PDLIM5: variants seen among roughly 807,000 people sequenced by gnomAD.
PDLIM5 encodes PDZ and LIM domain 5.
In PDLIM5, 34 loss-of-function variants were observed where a neutral mutation model predicts 64.2. The ratio of observed to expected loss-of-function variants is 0.53; its 90% CI spans 0.40 to 0.71. The LOEUF (loss-of-function observed/expected upper bound fraction) is 0.71, where lower values mean the gene tolerates loss of function less well. Ranked by LOEUF, PDLIM5 falls within the 30% of genes least tolerant of loss-of-function variation. PDLIM5 has a pLI of 0.00. For missense variants in PDLIM5, 683 were observed against 733.6 expected (o/e 0.93, Z 0.80); for synonymous variants, 253 against 269.1 (o/e 0.94, Z 0.59).
At chr4:94,663,025 T>C (rs566778247) in intron 12 of PDLIM5, among the ~76,000 whole-genome samples, 2 of 152,334 alleles carry the variant, frequency 1.3e-5, no homozygotes, top group East Asian at 3.9e-4. Context: ...ATAAACGTGA[T>C]AAAGTATTTG....
chr4:94,651,557 C>T (rs1435440403), intron 9 of PDLIM5, among the ~76,000 whole-genome samples: 2 of 152,102 alleles, frequency 1.3e-5, no homozygotes, highest in Non-Finnish European at 2.9e-5. Flanking sequence ...TCGATAGGCT[C>T]GTTAAAAATG....
rs1478507762 is a variant in PDLIM5, at chr4:94,478,220, C to T, written c.96+22836C>T. Among the ~76,000 whole-genome samples the T allele has an allele frequency of 2.1e-5, 3 of 145,478 alleles. No individual in the cohort carries two copies. In the East Asian group the frequency reaches 6.0e-4, roughly 29 times the overall value. On this transcript the variant is annotated intron_variant, in intron 2 of 12. Coordinates refer to ENST00000317968, the MANE Select transcript of PDLIM5 (RefSeq NM_006457.5). The stretch of plus-strand genomic sequence containing the variant: ...GCAGTGAGCCAAGATCACGGTATTG[C>T]ACTCCAGCCTGGGCAACAGAGCCAG...
intron 7 of PDLIM5, among the ~76,000 whole-genome samples, chr4:94,597,442 C>T (rs1261549124): frequency 2.0e-5 from 3 of 152,188 alleles, no homozygotes; most frequent in Middle Eastern, 3.4e-3. Context: ...AAAGGTAAAA[C>T]AATCAGATAA....
At chr4:94,603,755 TTTGCG>T (rs1737686757) in intron 7 of PDLIM5, among the ~76,000 whole-genome samples, 1 of 152,154 alleles carries the variant, frequency 6.6e-6, no homozygotes, top group Non-Finnish European at 1.5e-5. Flanking sequence ...CCTCAGGATG[TTTGCG>T]TTCTCAGGGA....
chr4:94,463,118 A>G (rs1724045443), intron 2 of PDLIM5, among the ~76,000 whole-genome samples: 1 of 152,224 alleles, frequency 6.6e-6, no homozygotes, highest in Non-Finnish European at 1.5e-5. Flanking sequence ...TTACATGGCA[A>G]AAGATTTTGT....
chr4:94,655,243 A>G (rs1742122789), intron 10 of PDLIM5, among the ~76,000 whole-genome samples: 1 of 152,086 alleles, frequency 6.6e-6, no homozygotes, highest in Non-Finnish European at 1.5e-5. Context: ...AATCAGATAC[A>G]GTACATAATA....
In PDLIM5 at chr4:94,567,533, A is replaced by G. The variant is rs1014747813; in HGVS notation, c.249-5818A>G. ...ATTTTTTTTTTTTTCATTCCTAAAG[A>G]TAGTATAGTTCATGACTGTTAAAAA... is the stretch of plus-strand genomic sequence containing the variant. On this transcript the variant is annotated intron_variant, in intron 3 of 12. Transcript: ENST00000317968. 1.4e-4 allele frequency among the ~76,000 whole-genome samples: 21 copies of G among 151,190 alleles called. No homozygotes were observed. The South Asian group carries it at 1.5e-3, about 11-fold the overall frequency.
chr4:94,481,302 T>C (rs1560644523), intron 2 of PDLIM5, among the ~76,000 whole-genome samples: 1 of 151,012 alleles, frequency 6.6e-6, no homozygotes, highest in Admixed American at 6.6e-5. Flanking sequence ...TTTTTTTTTT[T>C]TTTTTTGAGA....
At chr4:94,456,471 T>G (rs1215983507) in intron 2 of PDLIM5, 4 of 701,768 alleles carry the variant, frequency 5.7e-6, no homozygotes, top group Admixed American at 4.0e-5. Context: ...GTGCTAAGAT[T>G]ACAGGCGTGA....
chr4:94,642,337 G>A (rs944075327), intron 9 of PDLIM5, among the ~76,000 whole-genome samples: 3 of 151,930 alleles, frequency 2.0e-5, no homozygotes, highest in Admixed American at 6.6e-5. Flanking sequence ...CACCACTTCC[G>A]GCACTTCTAA....
At chr4:94,590,806 A>T (rs1173040063) in intron 7 of PDLIM5, among the ~76,000 whole-genome samples, 3 of 152,222 alleles carry the variant, frequency 2.0e-5, no homozygotes, top group Non-Finnish European at 4.4e-5. Flanking sequence ...CAAAACACTT[A>T]TATTCCCATT....
At chr4:94,614,496 G>A (rs1738618760) in intron 7 of PDLIM5, among the ~76,000 whole-genome samples, 1 of 152,012 alleles carries the variant, frequency 6.6e-6, no homozygotes, top group African/African-American at 2.4e-5. Flanking sequence ...TTAGGGGATT[G>A]GGCATCATAT....
In PDLIM5 at chr4:94,536,943, T is replaced by G. The variant is rs187338226; in HGVS notation, c.248+13068T>G. Reference sequence around the variant, plus strand: ...TGGCCATGCAAAACACGGCAGAGTATTTACACTGTCAAATTCTTTTGTTTA... The same window carrying G: ...TGGCCATGCAAAACACGGCAGAGTAGTTACACTGTCAAATTCTTTTGTTTA... On this transcript the variant is annotated intron_variant, in intron 3 of 12. Coordinates refer to ENST00000317968, the MANE Select transcript of PDLIM5 (RefSeq NM_006457.5). 2.1e-3 allele frequency among the ~76,000 whole-genome samples: 326 copies of G among 152,290 alleles called. 2 individuals are homozygous for G. Among genetic ancestry groups the G allele is most frequent in the African/African-American group, 7.1e-3 (294 of 41,564 alleles).
At chr4:94,458,548 A>G (rs1723585012) in intron 2 of PDLIM5, among the ~76,000 whole-genome samples, 1 of 152,192 alleles carries the variant, frequency 6.6e-6, no homozygotes, top group African/African-American at 2.4e-5. Flanking sequence ...AGAAGTTTGT[A>G]CTTAGCTGGG....
At chr4:94,551,128 T>A (rs1732769241) in intron 3 of PDLIM5, among the ~76,000 whole-genome samples, 1 of 152,146 alleles carries the variant, frequency 6.6e-6, no homozygotes, top group Non-Finnish European at 1.5e-5. Flanking sequence ...GAAACTATTA[T>A]CATTGTAATG....
intron 3 of PDLIM5, among the ~76,000 whole-genome samples, chr4:94,555,793 T>G (rs1179692349): frequency 1.3e-5 from 2 of 152,040 alleles, no homozygotes; most frequent in Non-Finnish European, 2.9e-5. Context: ...TCATTTAATC[T>G]TGGGAATAAC....
chr4:94,512,090 G>A lies in PDLIM5; in HGVS notation c.97-11634G>A, dbSNP rs763867640. On this transcript the variant is annotated intron_variant, in intron 2 of 12. Coordinates refer to ENST00000317968, the MANE Select transcript of PDLIM5 (RefSeq NM_006457.5). Reference sequence around the variant, plus strand: ...GGCTGGAGTGCAGTGGTGCGATCTCGGCTCACTGCAACGTCCACCTCCCAG... The same window carrying A: ...GGCTGGAGTGCAGTGGTGCGATCTCAGCTCACTGCAACGTCCACCTCCCAG... Among the ~76,000 whole-genome samples, 99 of 151,468 alleles carry A rather than the reference G, an allele frequency of 6.5e-4. 1 individual carries two copies. Among genetic ancestry groups the A allele is most frequent in the Non-Finnish European group, 1.2e-3 (83 of 67,912 alleles).
chr4:94,499,331 TTTCA>T (rs1348088578), intron 2 of PDLIM5, among the ~76,000 whole-genome samples: 2 of 152,118 alleles, frequency 1.3e-5, no homozygotes, highest in East Asian at 1.9e-4. Flanking sequence ...AAATGGAAAC[TTTCA>T]TTTATTTATT....
chr4:94,466,221 G>C (rs948549375), intron 2 of PDLIM5, among the ~76,000 whole-genome samples: 19 of 152,178 alleles, frequency 1.2e-4, no homozygotes, highest in Admixed American at 9.2e-4. Context: ...TCCCATCTCA[G>C]CCTCCCAAAC....
Sources: allele counts gnomAD v4.1 joint callset (sites outside exome capture counted in the v4.1 genomes callset), GRCh38; gene constraint gnomAD v4.1.1; transcripts MANE v1.5; gene names NCBI Gene and HGNC (gene_info 2026-07-23, HGNC 2026-07-21).